Variants in SPECC1 observed in about 807,000 individuals in gnomAD.
SPECC1 encodes sperm antigen with calponin homology and coiled-coil domains 1.
A neutral mutation model predicts 104.1 loss-of-function variants in SPECC1; 62 were observed. That is an observed-to-expected ratio of 0.60 (90% CI 0.49 to 0.74). The LOEUF (loss-of-function observed/expected upper bound fraction) is 0.74, where lower values mean the gene tolerates loss of function less well. Ranked by LOEUF, SPECC1 falls within the 30% of genes least tolerant of loss-of-function variation. SPECC1 has a pLI of 0.00. For synonymous variants in SPECC1, 513 were observed against 501.6 expected (o/e 1.02, Z -0.30); for missense variants, 1,306 against 1,310.5 (o/e 1.00, Z 0.05).
At position 20,202,982 on chromosome 17, in the gene SPECC1, C is replaced by T. The variant is rs569308143; in HGVS notation, c.284-1351C>T. 1.4e-3 allele frequency among the ~76,000 whole-genome samples: 212 copies of T among 152,176 alleles called. 1 individual carries two copies. Among genetic ancestry groups the T allele is most frequent in the Admixed American group, 2.2e-3 (33 of 15,276 alleles). ...GCTGTTAGATGTTTAGTAATGAATG[C>T]CATCAGCCTTTATGTCATCAGGATT... On this transcript the variant is annotated intron_variant, in intron 3 of 14. Transcript: ENST00000395527.
chr17:20,298,984 G>GTGTGTGT (rs1395919924), intron 13 of SPECC1, among the ~76,000 whole-genome samples: 1,354 of 76,222 alleles, frequency 0.018, 213 homozygotes, highest in East Asian at 0.11. Context: ...TGTAGAGAGA[G>GTGTGTGT]AGAGAGAGAG....
chr17:20,046,873 G>A (rs571406771), intron 1 of SPECC1, among the ~76,000 whole-genome samples: 2 of 138,378 alleles, frequency 1.4e-5, no homozygotes, highest in African/African-American at 5.3e-5. Context: ...ACGTGGGGTG[G>A]GGGGTGGGAA....
intron 12 of SPECC1, among the ~76,000 whole-genome samples, chr17:20,277,028 A>T (rs1245120565): frequency 6.6e-6 from 1 of 152,240 alleles, no homozygotes; most frequent in Admixed American, 6.5e-5. Context: ...CCTGGAGCAG[A>T]TCTGGAGCAC....
At chr17:20,300,136 G>A (rs1452419051) in intron 13 of SPECC1, among the ~76,000 whole-genome samples, 3 of 152,230 alleles carry the variant, frequency 2.0e-5, no homozygotes, top group Admixed American at 2.0e-4. Flanking sequence ...AAGAGTGGAG[G>A]AGAGCACCCA....
chr17:20,011,806 C>A (rs1301493878), intron 1 of SPECC1, among the ~76,000 whole-genome samples: 1 of 152,000 alleles, frequency 6.6e-6, no homozygotes, highest in East Asian at 1.9e-4. Flanking sequence ...TTACTTCAAC[C>A]CTTCCAACGA....
At chr17:20,246,137 C>G (rs2039412736) in intron 8 of SPECC1, 66 bp downstream of exon 8, 2 of 1,564,582 alleles carry the variant, frequency 1.3e-6, no homozygotes, top group Admixed American at 3.4e-5. Flanking sequence ...TTTGATATGT[C>G]TACTATCTCT....
At chr17:20,012,143 A>G (rs898617146) in intron 1 of SPECC1, among the ~76,000 whole-genome samples, 1 of 152,062 alleles carries the variant, frequency 6.6e-6, no homozygotes, top group Non-Finnish European at 1.5e-5. Flanking sequence ...TAGGATCTCT[A>G]TTCTGCCACA....
rs1414144322 is a variant in SPECC1 at position 20,130,625 on chromosome 17, C to T, written c.283+20063C>T. Among the ~76,000 whole-genome samples the T allele has an allele frequency of 2.6e-5, 4 of 152,166 alleles. No homozygotes were observed. In the East Asian group the frequency reaches 7.7e-4, roughly 29 times the overall value. ...CTATATGTCTGTCCCTCTGACAATGCCTCATACTGTTGATTATGGTAGCTT... is the reference window on the plus strand; with the variant it reads ...CTATATGTCTGTCCCTCTGACAATGTCTCATACTGTTGATTATGGTAGCTT... On this transcript the variant is annotated intron_variant, in intron 3 of 14. Coordinates refer to ENST00000395527, the MANE Select transcript of SPECC1 (RefSeq NM_001243439.2).
intron 7 of SPECC1, chr17:20,239,528 G>C (rs2039096775): frequency 6.2e-6 from 1 of 160,050 alleles, no homozygotes; most frequent in South Asian, 2.0e-4. Flanking sequence ...TCCATAGGAA[G>C]GATATGTCCT....
At chr17:20,298,202 A>G (rs1192406267) in intron 13 of SPECC1, among the ~76,000 whole-genome samples, 3 of 152,146 alleles carry the variant, frequency 2.0e-5, no homozygotes, top group Admixed American at 6.5e-5. Flanking sequence ...AAATACAAAA[A>G]TTAGCTGGGC....
At chr17:20,072,643 A>G (rs2046600933) in intron 1 of SPECC1, among the ~76,000 whole-genome samples, 1 of 152,208 alleles carries the variant, frequency 6.6e-6, no homozygotes, top group South Asian at 2.1e-4. Flanking sequence ...AGAATGACAG[A>G]GTCTGAGTAT....
chr17:20,077,449 C>T (rs1567827083), intron 1 of SPECC1, among the ~76,000 whole-genome samples: 1 of 151,210 alleles, frequency 6.6e-6, no homozygotes, highest in Non-Finnish European at 1.5e-5. Flanking sequence ...GCTTTTGTGG[C>T]TTTTTTTTGT....
intron 1 of SPECC1, among the ~76,000 whole-genome samples, chr17:20,034,781 T>A (rs1428706723): frequency 1.3e-5 from 2 of 151,986 alleles, no homozygotes; most frequent in Non-Finnish European, 2.9e-5. Flanking sequence ...AATTTTGTAT[T>A]TTTAGTAGAG....
At chr17:20,066,228 C>T (rs1037012362) in intron 1 of SPECC1, among the ~76,000 whole-genome samples, 6 of 152,200 alleles carry the variant, frequency 3.9e-5, no homozygotes, top group African/African-American at 1.4e-4. Context: ...CTTATTCTAA[C>T]AGCCTTTGCA....
At chr17:20,289,238 C>T (rs1425714255) in intron 12 of SPECC1, among the ~76,000 whole-genome samples, 2 of 152,208 alleles carry the variant, frequency 1.3e-5, no homozygotes, top group South Asian at 2.1e-4. Context: ...TTACCTCCCC[C>T]TGGGTCCCTC....
Position 20,305,914 on chromosome 17 carries a change from G to A in SPECC1, c.3058-109G>A, listed in dbSNP as rs372978917. On this transcript the variant is annotated intron_variant, in intron 13 of 14. Transcript: ENST00000395527. Reference sequence around the variant, plus strand: ...TTGTACACTTGACTTACTATTCTTCGCTTTATAATAGTGAATAATCTATAT... The same window carrying A: ...TTGTACACTTGACTTACTATTCTTCACTTTATAATAGTGAATAATCTATAT... The A allele has an allele frequency of 2.6e-4, 237 of 925,560 alleles. 3 individuals are homozygous for A. In the South Asian group the frequency reaches 3.1e-3, roughly 12 times the overall value. 57.3% of individuals were successfully genotyped at this position (925,560 alleles called of 1,614,324 possible).
chr17:20,309,151 A>G (rs1323019605), intron 14 of SPECC1, among the ~76,000 whole-genome samples: 1 of 152,172 alleles, frequency 6.6e-6, no homozygotes, highest in Non-Finnish European at 1.5e-5. Context: ...TTTTTCCACC[A>G]ACAAAATAGA....
At chr17:20,047,325 G>A (rs1293513853) in intron 1 of SPECC1, among the ~76,000 whole-genome samples, 1 of 152,200 alleles carries the variant, frequency 6.6e-6, no homozygotes, top group Non-Finnish European at 1.5e-5. Context: ...GTGTTCTGGA[G>A]AAGACTGCAG....
chr17:20,087,145 TTA>T (rs1470353890), intron 1 of SPECC1: 1 of 152,246 alleles, frequency 6.6e-6, no homozygotes, highest in African/African-American at 2.4e-5. Context: ...ATAAATTCAT[TTA>T]TTATGTTTCT....
Sources: allele counts gnomAD v4.1 joint callset (sites outside exome capture counted in the v4.1 genomes callset), GRCh38; gene constraint gnomAD v4.1.1; transcripts MANE v1.5; gene names NCBI Gene and HGNC (gene_info 2026-07-23, HGNC 2026-07-21).